Variants in ADAMTS2 observed in about 807,000 individuals in gnomAD.
The protein encoded by ADAMTS2 is A disintegrin and metalloproteinase with thrombospondin motifs 2.
In ADAMTS2, 50 loss-of-function variants were observed where a neutral mutation model predicts 123.0. That is an observed-to-expected ratio of 0.41 (90% CI 0.32 to 0.51). The LOEUF is 0.51. Among genes scored for constraint, ADAMTS2 ranks in the 20% least tolerant of loss-of-function variants. The pLI, the probability that ADAMTS2 is intolerant of heterozygous loss-of-function variation, is 0.35. For synonymous variants in ADAMTS2, 678 were observed against 695.4 expected (o/e 0.98, Z 0.39); for missense variants, 1,494 against 1,705.2 (o/e 0.88, Z 2.18).
chr5:179,134,618 T>C (rs1274931867), intron 13 of ADAMTS2, among the ~76,000 whole-genome samples: 1 of 152,226 alleles, frequency 6.6e-6, no homozygotes, highest in Non-Finnish European at 1.5e-5. Context: ...CCTGTTCTTG[T>C]TTTGGCGTAT....
At chr5:179,131,396 A>G (rs1398197897) in intron 15 of ADAMTS2, among the ~76,000 whole-genome samples, 1 of 152,108 alleles carries the variant, frequency 6.6e-6, no homozygotes, top group Non-Finnish European at 1.5e-5. Flanking sequence ...AAAATAAAAT[A>G]AAACAAAAGG....
intron 4 of ADAMTS2, among the ~76,000 whole-genome samples, chr5:179,183,420 A>G (rs776453401): frequency 2.3e-4 from 35 of 152,224 alleles, no homozygotes; most frequent in Non-Finnish European, 4.1e-4. Context: ...CCAACCTCAC[A>G]GGTCATACAG....
At chr5:179,203,226 A>T (rs1410897746) in intron 4 of ADAMTS2, among the ~76,000 whole-genome samples, 1 of 152,162 alleles carries the variant, frequency 6.6e-6, no homozygotes, top group Admixed American at 6.5e-5. Context: ...CCAGGGCTCG[A>T]CGGCCTTTCC....
chr5:179,325,702 A>T (rs1757294036), intron 2 of ADAMTS2, among the ~76,000 whole-genome samples: 1 of 152,256 alleles, frequency 6.6e-6, no homozygotes, highest in East Asian at 1.9e-4. Flanking sequence ...TGCACTGCCC[A>T]GGCAGGACCC....
rs753127559 is a variant in ADAMTS2 at position 179,260,273 on chromosome 5, C to T, written c.688+12638G>A. Among the ~76,000 whole-genome samples the T allele has an allele frequency of 3.3e-5, 5 of 152,194 alleles. No homozygotes were observed. The highest frequency in any genetic ancestry group is 2.0e-4 in the Admixed American group (3 of 15,286). The stretch of plus-strand genomic sequence containing the variant: ...CTCCCGGAGTGAGCTCCTGGGCGAC[C>T]GGGCTTCCTAGGCACTATGCTTATT... On this transcript the variant is annotated intron_variant, in intron 3 of 21. Transcript: ENST00000251582. This position sits in a 1 kb window ranked among gnomAD's most constrained non-coding sequence, Gnocchi z 4.2.
chr5:179,259,224 G>C (rs1484195189), intron 3 of ADAMTS2, among the ~76,000 whole-genome samples: 1 of 152,016 alleles, frequency 6.6e-6, no homozygotes, highest in African/African-American at 2.4e-5. Flanking sequence ...CTGCTGCCCT[G>C]GCCCCTTTTC....
chr5:179,304,094 G>A (rs1004104708), intron 2 of ADAMTS2, among the ~76,000 whole-genome samples: 1 of 152,126 alleles, frequency 6.6e-6, no homozygotes, highest in African/African-American at 2.4e-5. Context: ...GTGTTTACAT[G>A]GGATTGATCA....
In ADAMTS2 at chr5:179,181,211, C is replaced by A; in HGVS notation, c.892-56G>T. On this transcript the variant is annotated intron_variant, in intron 4 of 21. Coordinates refer to ENST00000251582, the MANE Select transcript of ADAMTS2 (RefSeq NM_014244.5). The surrounding 1 kb of genome is among the most constrained non-coding windows in gnomAD (Gnocchi z 4.1). ...CCACAGGCCCTAGGACTGGCTCTGG[C>A]TCTGCCAATGGGATGACCCCCACCT... 7.6e-7 allele frequency: 1 copy of A among 1,307,672 alleles called. No homozygotes were observed. 81.0% of individuals were successfully genotyped at this position (1,307,672 alleles called of 1,614,324 possible).
intron 3 of ADAMTS2, among the ~76,000 whole-genome samples, chr5:179,217,798 G>GCAGAT (rs1561811198): frequency 2.5e-4 from 27 of 107,412 alleles, no homozygotes; most frequent in South Asian, 5.5e-4. Flanking sequence ...TGGCGCAAGG[G>GCAGAT]GGGGATGGGC....
rs190794972 is a variant in ADAMTS2 at position 179,320,307 on chromosome 5, A to G, written c.534+23460T>C. On this transcript the variant is annotated intron_variant, in intron 2 of 21. Coordinates refer to ENST00000251582, the MANE Select transcript of ADAMTS2 (RefSeq NM_014244.5). ...GCCTGCCTGGAGTCCACCCTCCTCC[A>G]TTTTTTTGGGTTTTTTTTGAGACGG... Among the ~76,000 whole-genome samples, 72 of 151,226 alleles carry G rather than the reference A, an allele frequency of 4.8e-4. 2 individuals carry two copies. The East Asian group carries it at 0.013, about 27-fold the overall frequency.
Position 179,207,683 on chromosome 5 carries a change from G to C in ADAMTS2, c.721C>G (p.Arg241Gly). Residue 241 changes from arginine to glycine, a missense_variant, in exon 4 of 22, where the codon CGC becomes GGC. Arg to Gly is a moderately radical substitution (Grantham distance 125). Around this residue, in one of 6 missense-constraint regions of ADAMTS2, gnomAD observed 184 missense variants for 152.1 expected, o/e 1.21. Coordinates refer to ENST00000251582, the MANE Select transcript of ADAMTS2 (RefSeq NM_014244.5). ...TGCTCCTCTAGGACGCCCAGGGCGC[G>C]GCTGAGGCTGTCCAGGCTGTCCAGG... ...ASLDSLDSLS[R>G]ALGVLEEHAN... is the part of the protein sequence containing the mutation. 6.2e-7 allele frequency: 1 copy of C among 1,612,826 alleles called. No individual in the cohort carries two copies. Among genetic ancestry groups the C allele is most frequent in the Non-Finnish European group, 8.5e-7 (1 of 1,180,006 alleles).
chr5:179,276,062 G>A (rs1766686337), intron 2 of ADAMTS2, among the ~76,000 whole-genome samples: 1 of 152,136 alleles, frequency 6.6e-6, no homozygotes, highest in Non-Finnish European at 1.5e-5. Flanking sequence ...GGAAGAGGGG[G>A]TGGGAACCCT....
At chr5:179,258,052 C>T (rs1323844779) in intron 3 of ADAMTS2, among the ~76,000 whole-genome samples, 6 of 152,184 alleles carry the variant, frequency 3.9e-5, no homozygotes, top group African/African-American at 7.2e-5. Context: ...CTGTCCTCAG[C>T]GAACGCCTGA....
In ADAMTS2 at chr5:179,154,945, A is replaced by G. The variant is rs890153687; in HGVS notation, c.1133-26T>C. 3.8e-6 allele frequency: 6 copies of G among 1,598,450 alleles called. No individual in the cohort carries two copies. The African/African-American group carries it at 8.0e-5, about 21-fold the overall frequency. On this transcript the variant is annotated intron_variant, in intron 6 of 21. Coordinates refer to ENST00000251582, the MANE Select transcript of ADAMTS2 (RefSeq NM_014244.5). Reference sequence around the variant, plus strand: ...CTGGGAGGAGACAAGAGGCGGCTCCAGATGCTGCCATAGCCTGGCCGGGAA... The same window carrying G: ...CTGGGAGGAGACAAGAGGCGGCTCCGGATGCTGCCATAGCCTGGCCGGGAA...
At chr5:179,187,970 G>A (rs1219786680) in intron 4 of ADAMTS2, among the ~76,000 whole-genome samples, 3 of 152,110 alleles carry the variant, frequency 2.0e-5, no homozygotes, top group Admixed American at 6.5e-5. Flanking sequence ...AGGGGATGGT[G>A]AGCCCTGGGA....
At chr5:179,183,958 C>T (rs528690704) in intron 4 of ADAMTS2, among the ~76,000 whole-genome samples, 12 of 152,198 alleles carry the variant, frequency 7.9e-5, no homozygotes, top group Non-Finnish European at 1.5e-4. Context: ...CGGCTGTCTG[C>T]AAACCAGGAA....
At chr5:179,251,625 T>C (rs1210353802) in intron 3 of ADAMTS2, among the ~76,000 whole-genome samples, 2 of 152,194 alleles carry the variant, frequency 1.3e-5, no homozygotes, top group Non-Finnish European at 2.9e-5. Flanking sequence ...GAAAACAGTC[T>C]TGGTGTTTCC....
chr5:179,342,608 AGGG>A (rs1757808145), intron 2 of ADAMTS2, among the ~76,000 whole-genome samples: 2 of 152,348 alleles, frequency 1.3e-5, no homozygotes, highest in South Asian at 4.1e-4. Flanking sequence ...GGGCGTGCTC[AGGG>A]GCCACGGGGG....
At chr5:179,211,597 T>A (rs1440135379) in intron 3 of ADAMTS2, among the ~76,000 whole-genome samples, 1 of 152,210 alleles carries the variant, frequency 6.6e-6, no homozygotes, top group Admixed American at 6.5e-5. Context: ...CCATCCTGTT[T>A]TAGAGTCTCT....
Sources: gnomAD v4.1 joint callset for allele counts (sites outside exome capture counted in the v4.1 genomes callset) on GRCh38, gnomAD v4.1.1 for gene constraint, gnomAD v4.1.1 regional missense constraint, Gnocchi (gnomAD v3.1) non-coding constraint, MANE v1.5 for transcripts, NCBI Gene and HGNC (gene_info 2026-07-23, HGNC 2026-07-21) for gene names.